Variants in PGC observed in about 807,000 individuals in gnomAD.
PGC encodes progastricsin.
In PGC, 31 loss-of-function variants were observed where a neutral mutation model predicts 45.9. The observed-to-expected ratio is 0.67, with a 90% confidence interval of 0.51 to 0.91. PGC has a LOEUF of 0.91. PGC is among the 40% of genes least tolerant of loss of function. PGC has a pLI of 0.00. For synonymous variants in PGC, 192 were observed against 201.8 expected, an observed-to-expected ratio of 0.95 and a Z score of 0.41; for missense variants, 477 against 493.2, an observed-to-expected ratio of 0.97 and a Z score of 0.31.
Position 41,736,970 on chromosome 6 carries a change from G to A in PGC, c.1049C>T (p.Thr350Ile), listed in dbSNP as rs761449800. ...NGYCTVGVEP[T>I]YLSSQNGQPL... ...CTGGCCGTTCTGGGAGGACAGGTAG[G>A]TGGGCTCGACTCCCACGGTGCAGTA... is the stretch of plus-strand genomic sequence containing the variant. Residue 350 changes from threonine to isoleucine, a missense_variant, in exon 9 of 9, where the codon ACC becomes ATC. Thr to Ile is a moderately conservative substitution (Grantham distance 89, BLOSUM62 -1). Coordinates refer to ENST00000373025, the MANE Select transcript of PGC (RefSeq NM_002630.4). 1.2e-6 allele frequency: 2 copies of A among 1,614,086 alleles called. No individual in the cohort carries two copies. The highest frequency in any genetic ancestry group is 1.3e-5 in the African/African-American group (1 of 75,050).
At position 41,736,839 on chromosome 6, in the gene PGC, C is replaced by T. The variant is rs371792028; in HGVS notation, c.*13G>A. ...AAGAGGAAGAGGGGAGCCCACGTGT[C>T]GAGGCAGCAAGTCTAGGCGGCAGTG... On this transcript the variant is annotated 3_prime_UTR_variant, in exon 9 of 9. Transcript: ENST00000373025. 36 of 1,613,836 alleles carry T rather than the reference C, an allele frequency of 2.2e-5. No individual in the cohort carries two copies. Among genetic ancestry groups the T allele is most frequent in the East Asian group, 4.5e-5 (2 of 44,896 alleles).
At chr6:41,745,698 G>C (rs1020247157) in intron 1 of PGC, among the ~76,000 whole-genome samples, 3 of 150,902 alleles carry the variant, frequency 2.0e-5, no homozygotes, top group African/African-American at 7.3e-5. Flanking sequence ...TACAGGCAAG[G>C]GCCACCATGC....
In PGC at chr6:41,744,493, T is replaced by C; in HGVS notation, c.232A>G (p.Ser78Gly). The change falls in exon 3 of 9, where the codon AGC becomes GGC. Residue 78 changes from serine to glycine, a missense_variant. Coordinates refer to ENST00000373025, the MANE Select transcript of PGC (RefSeq NM_002630.4). The surrounding 1 kb of genome is among the most constrained non-coding windows in gnomAD (Gnocchi z 4.4). ...AAGTTCTGGGGTGGAGTCCCGATGC[T>C]GATCTCACCAAAGTAGGCAGCCTGG... ...YMDAAYFGEI[S>G]IGTPPQNFLV... is the part of the protein sequence containing the mutation. 1 of 1,613,844 alleles carries C rather than the reference T, an allele frequency of 6.2e-7. No individual in the cohort carries two copies. The highest frequency in any genetic ancestry group is 8.5e-7 in the Non-Finnish European group (1 of 1,179,776).
At position 41,744,844 on chromosome 6, in the gene PGC, T is replaced by C. The variant is rs1281134646; in HGVS notation, c.60-36A>G. The C allele has an allele frequency of 3.8e-6, 6 of 1,583,008 alleles. No individual in the cohort carries two copies. The highest frequency in any genetic ancestry group is 1.7e-4 in the Middle Eastern group (1 of 6,038). On this transcript the variant is annotated intron_variant, in intron 1 of 8. Coordinates refer to ENST00000373025, the MANE Select transcript of PGC (RefSeq NM_002630.4). The surrounding 1 kb of genome is among the most constrained non-coding windows in gnomAD (Gnocchi z 4.4). ...GTTGCATATGAGGCAAGGCCCTCCC[T>C]CCTTCCTCTCTTCCCACTCCTCTCT...
At chr6:41,745,562 T>C (rs1771916664) in intron 1 of PGC, among the ~76,000 whole-genome samples, 1 of 150,190 alleles carries the variant, frequency 6.7e-6, no homozygotes, top group African/African-American at 2.5e-5. Context: ...TTTTTTTTTT[T>C]TTTTGAGACA....
intron 6 of PGC, 112 bp downstream of exon 6, chr6:41,740,379 A>G: frequency 7.3e-7 from 1 of 1,363,900 alleles, no homozygotes; most frequent in South Asian, 1.5e-5. Context: ...AGTAAGCCTC[A>G]GGGGTCCTCT....
intron 7 of PGC, among the ~76,000 whole-genome samples, chr6:41,738,217 TATATATATGC>T (rs1561879932): frequency 0.018 from 598 of 33,556 alleles, 76 homozygotes; most frequent in African/African-American, 0.043. Context: ...TATATATGCA[TATATATATGC>T]ATATATATAT....
chr6:41,745,548 A>ACTTT (rs757004562), intron 1 of PGC, among the ~76,000 whole-genome samples: 1 of 138,668 alleles, frequency 7.2e-6, no homozygotes, highest in African/African-American at 2.7e-5. Flanking sequence ...CAGGATATGT[A>ACTTT]GTTTTTTTTT....
At position 41,740,360 on chromosome 6, in the gene PGC, C is replaced by CTT. The variant is rs147934164; in HGVS notation, c.767+129_767+130dup. 1,502 of 1,222,060 alleles carry CTT rather than the reference C, an allele frequency of 1.2e-3. 14 individuals are homozygous for CTT. In the African/African-American group the frequency reaches 0.017, roughly 14 times the overall value. The allele number at this position is 1,222,060 out of a possible 1,614,324, so 75.7% of individuals were successfully genotyped here. ...TCACCCCTGCAGAGGACAGTTGTGG[C>CTT]TTTGTAGGAGTAAGCCTCAGGGGTC... On this transcript the variant is annotated intron_variant, in intron 6 of 8. Transcript: ENST00000373025.
chr6:41,744,783 TAG>T lies in PGC; in HGVS notation c.83_84del (p.Ser28TyrfsTer3), dbSNP rs1561882704. The T allele has an allele frequency of 1.9e-6, 3 of 1,614,114 alleles. No homozygotes were observed. Among genetic ancestry groups the T allele is most frequent in the Admixed American group, 3.3e-5 (2 of 60,022 alleles). ...VVKVPLKKFK[S>X]IRETMKEKGL... ...CCCTTCTCCTTCATGGTCTCACGGA[TAG>T]ACTTAAATTTCTTCAGGGGCACTCT... is the stretch of plus-strand genomic sequence containing the variant. On this transcript the variant is annotated frameshift_variant, in exon 2 of 9. Coordinates refer to ENST00000373025, the MANE Select transcript of PGC (RefSeq NM_002630.4). LOFTEE classifies it high-confidence loss of function. This position sits in a 1 kb window ranked among gnomAD's most constrained non-coding sequence, Gnocchi z 4.4.
rs754107947 is a variant in PGC at position 41,744,993 on chromosome 6, C to CTGTGTG, written c.60-186_60-185insCACACA. On this transcript the variant is annotated intron_variant, in intron 1 of 8. Transcript: ENST00000373025. This position sits in a 1 kb window ranked among gnomAD's most constrained non-coding sequence, Gnocchi z 4.4. ...GCTCTCTGTCTCTGTCTGTCTGTCTCTCTGTGTGTGTGTGTGTGTGTGCGC... is the reference window on the plus strand; with the variant it reads ...GCTCTCTGTCTCTGTCTGTCTGTCTCTGTGTGTCTGTGTGTGTGTGTGTGTGTGCGC... 1.8e-4 allele frequency among the ~76,000 whole-genome samples: 24 copies of CTGTGTG among 132,088 alleles called. No individual in the cohort carries two copies. Among genetic ancestry groups the CTGTGTG allele is most frequent in the South Asian group, 1.1e-3 (5 of 4,570 alleles). The allele number at this position is 132,088 out of a possible 152,430, so 86.7% of individuals were successfully genotyped here.
intron 1 of PGC, among the ~76,000 whole-genome samples, chr6:41,745,642 C>T (rs1170021778): frequency 1.3e-5 from 2 of 150,352 alleles, no homozygotes; most frequent in Non-Finnish European, 3.0e-5. Flanking sequence ...TTCCACCTCC[C>T]GAGTTCAAGC....
intron 5 of PGC, chr6:41,740,988 T>C (rs1194814326): frequency 2.6e-6 from 4 of 1,527,140 alleles, no homozygotes; most frequent in East Asian, 2.5e-5. Flanking sequence ...GGCTCCCGAA[T>C]GATGCTGACT....
chr6:41,739,097 G>A (rs76361738), intron 7 of PGC, among the ~76,000 whole-genome samples: 6,980 of 152,344 alleles, frequency 0.046, 205 homozygotes, highest in Non-Finnish European at 0.063. Flanking sequence ...ACTCAAGACA[G>A]ACAAGCGCAG....
rs1295237149 is a variant in PGC, at chr6:41,744,893, G to T, written c.60-85C>A. On this transcript the variant is annotated intron_variant, in intron 1 of 8. Transcript: ENST00000373025. This position sits in a 1 kb window ranked among gnomAD's most constrained non-coding sequence, Gnocchi z 4.4. ...CTTTCTCTCTCTCCTTCTCTTAACT[G>T]CATGCTTCAACCTCCCTGCCACTCT... 1 of 1,249,478 alleles carries T rather than the reference G, an allele frequency of 8.0e-7. No homozygotes were observed. The highest frequency in any genetic ancestry group is 1.5e-5 in the African/African-American group (1 of 67,182). 77.4% of individuals were successfully genotyped at this position (1,249,478 alleles called of 1,614,324 possible).
Position 41,744,600 on chromosome 6 carries a change from C to T in PGC, c.210+58G>A. ...TGGGCAGAGGAGTGAAGGGACCTGC[C>T]CCTTCCCTCCAGCCCACACCAGAGA... On this transcript the variant is annotated intron_variant, in intron 2 of 8. Coordinates refer to ENST00000373025, the MANE Select transcript of PGC (RefSeq NM_002630.4). The surrounding 1 kb of genome is among the most constrained non-coding windows in gnomAD (Gnocchi z 4.4). 1.2e-6 allele frequency: 2 copies of T among 1,600,626 alleles called. No homozygotes were observed. The highest frequency in any genetic ancestry group is 2.2e-5 in the South Asian group (2 of 90,306).
chr6:41,745,262 C>T (rs894954413), intron 1 of PGC, among the ~76,000 whole-genome samples: 1 of 150,980 alleles, frequency 6.6e-6, no homozygotes, highest in Non-Finnish European at 1.5e-5. Flanking sequence ...TTTTGAGACG[C>T]AGTTTCACTT....
rs1771899224 is a variant in PGC at position 41,744,840 on chromosome 6, T to TC, written c.60-33dup. 8 of 1,588,320 alleles carry TC rather than the reference T, an allele frequency of 5.0e-6. No homozygotes were observed. Among genetic ancestry groups the TC allele is most frequent in the African/African-American group, 1.3e-5 (1 of 74,160 alleles). ...AAAGGTTGCATATGAGGCAAGGCCC[T>TC]CCCTCCTTCCTCTCTTCCCACTCCT... On this transcript the variant is annotated intron_variant, in intron 1 of 8. Coordinates refer to ENST00000373025, the MANE Select transcript of PGC (RefSeq NM_002630.4). The surrounding 1 kb of genome is among the most constrained non-coding windows in gnomAD (Gnocchi z 4.4).
rs1176707459 is a variant in PGC at position 41,744,609 on chromosome 6, C to G, written c.210+49G>C. On this transcript the variant is annotated intron_variant, in intron 2 of 8. Transcript: ENST00000373025. The surrounding 1 kb of genome is among the most constrained non-coding windows in gnomAD (Gnocchi z 4.4). Reference sequence around the variant, plus strand: ...GAGTGAAGGGACCTGCCCCTTCCCTCCAGCCCACACCAGAGAGAAGGCTAC... The same window carrying G: ...GAGTGAAGGGACCTGCCCCTTCCCTGCAGCCCACACCAGAGAGAAGGCTAC... 5 of 1,606,556 alleles carry G rather than the reference C, an allele frequency of 3.1e-6. No homozygotes were observed. The South Asian group carries it at 4.4e-5, about 14-fold the overall frequency.
Sources: allele counts gnomAD v4.1 joint callset (sites outside exome capture counted in the v4.1 genomes callset), GRCh38; gene constraint gnomAD v4.1.1; non-coding constraint Gnocchi (gnomAD v3.1); transcripts MANE v1.5; gene names NCBI Gene and HGNC (gene_info 2026-07-23, HGNC 2026-07-21).